Variants in PRSS23 observed in about 807,000 individuals in gnomAD.
PRSS23 encodes the protein serine protease 23.
PRSS23 carries 25 observed loss-of-function variants against 34.7 expected under a neutral mutation model. That is an observed-to-expected ratio of 0.72 (90% CI 0.53 to 1.01). PRSS23 has a LOEUF of 1.01. Ranked by LOEUF, PRSS23 falls within the 50% of genes least tolerant of loss-of-function variation. PRSS23 has a pLI of 0.00. For synonymous variants in PRSS23, 176 were observed against 186.6 expected, an observed-to-expected ratio of 0.94 and a Z score of 0.46; for missense variants, 445 against 475.6, an observed-to-expected ratio of 0.94 and a Z score of 0.60.
intron 2 of PRSS23, among the ~76,000 whole-genome samples, chr11:86,852,895 C>T (rs2134920817): frequency 6.6e-6 from 1 of 152,228 alleles, no homozygotes; most frequent in South Asian, 2.1e-4. Context: ...TCTCTGTCGC[C>T]CAGGCTGGAG....
intron 2 of PRSS23, among the ~76,000 whole-genome samples, chr11:86,830,359 G>A (rs1948343542): frequency 6.6e-6 from 1 of 152,162 alleles, no homozygotes; most frequent in African/African-American, 2.4e-5. Flanking sequence ...GCAGTATTAG[G>A]GTGGGAGTGA....
chr11:86,923,319 G>A (rs560418895), intron 2 of PRSS23, among the ~76,000 whole-genome samples: 2 of 152,098 alleles, frequency 1.3e-5, no homozygotes, highest in African/African-American at 4.8e-5. Flanking sequence ...TAGAGATGGG[G>A]TCTTGCCGTG....
chr11:86,807,740 C>A lies in PRSS23; in HGVS notation c.97C>A (p.Pro33Thr), dbSNP rs1337121292. 1.2e-6 allele frequency: 2 copies of A among 1,614,116 alleles called. No homozygotes were observed. Among genetic ancestry groups the A allele is most frequent in the East Asian group, 2.2e-5 (1 of 44,874 alleles). The change falls in exon 2 of 2, where the codon CCT becomes ACT. Residue 33 changes from proline to threonine, a missense_variant. Pro to Thr is a conservative substitution (Grantham distance 38). Coordinates refer to ENST00000280258, the MANE Select transcript of PRSS23 (RefSeq NM_007173.6). ...PYSAPWKPTW[P>T]AYRLPVVLPQ... is the part of the protein sequence containing the mutation. ...CAGTGCCCCCTGGAAACCCACTTGG[C>A]CTGCATACCGCCTCCCTGTCGTCTT...
intron 2 of PRSS23, among the ~76,000 whole-genome samples, chr11:86,838,473 T>G (rs1948423450): frequency 6.6e-6 from 1 of 152,072 alleles, no homozygotes; most frequent in South Asian, 2.1e-4. Flanking sequence ...GCCAGGAAGC[T>G]CAAACTGGCT....
chr11:86,843,653 A>G (rs977096915), intron 2 of PRSS23, among the ~76,000 whole-genome samples: 1 of 152,264 alleles, frequency 6.6e-6, no homozygotes, highest in African/African-American at 2.4e-5. Context: ...CAGCCAACAG[A>G]CATATGAAAA....
At chr11:86,922,998 C>T (rs570456381) in intron 2 of PRSS23, among the ~76,000 whole-genome samples, 12 of 151,984 alleles carry the variant, frequency 7.9e-5, no homozygotes, top group African/African-American at 2.7e-4. Flanking sequence ...ATTTAGTAGC[C>T]CTTTTTTGGG....
Position 86,881,468 on chromosome 11 carries a change from T to A in PRSS23, c.206+57875T>A, listed in dbSNP as rs546745553. Reference sequence around the variant, plus strand: ...ACTCCCACTTAGTCTTGGTGTATATTTTTTTTAAAATATATGGCTGAATTC... The same window carrying A: ...ACTCCCACTTAGTCTTGGTGTATATATTTTTTAAAATATATGGCTGAATTC... On this transcript the variant is annotated intron_variant, in intron 2 of 2. Transcript: ENST00000533902. 2.8e-4 allele frequency among the ~76,000 whole-genome samples: 42 copies of A among 152,112 alleles called. No homozygotes were observed. In the South Asian group the frequency reaches 4.4e-3, roughly 16 times the overall value.
upstream of PRSS23, among the ~76,000 whole-genome samples, chr11:86,798,837 C>T (rs1171948685): frequency 1.3e-5 from 2 of 152,100 alleles, no homozygotes; most frequent in Admixed American, 6.5e-5. Context: ...AGACCACAGG[C>T]GTGTGCCACC....
chr11:86,873,553 G>A (rs773724763), intron 2 of PRSS23, among the ~76,000 whole-genome samples: 14 of 151,950 alleles, frequency 9.2e-5, no homozygotes, highest in Admixed American at 5.2e-4. Context: ...AAAGTGTTGG[G>A]ATTGTAGGCA....
At chr11:86,865,044 A>G (rs1229492851) in intron 2 of PRSS23, among the ~76,000 whole-genome samples, 2 of 152,248 alleles carry the variant, frequency 1.3e-5, no homozygotes, top group East Asian at 3.8e-4. Context: ...CAGGTAAGGT[A>G]AAACATTCCC....
chr11:86,798,125 C>T (rs150505809), upstream of PRSS23, among the ~76,000 whole-genome samples: 1,168 of 152,338 alleles, frequency 7.7e-3, 15 homozygotes, highest in African/African-American at 0.026. Context: ...CTTCCAGCTG[C>T]ACCTCCAGTT....
chr11:86,882,891 C>T (rs556757783), intron 2 of PRSS23, among the ~76,000 whole-genome samples: 7 of 152,300 alleles, frequency 4.6e-5, no homozygotes, highest in Admixed American at 2.0e-4. Flanking sequence ...TAATAATAGA[C>T]ATTCTGACTG....
chr11:86,926,732 T>C (rs1009451465), intron 2 of PRSS23, among the ~76,000 whole-genome samples: 1 of 152,208 alleles, frequency 6.6e-6, no homozygotes, highest in Non-Finnish European at 1.5e-5. Flanking sequence ...GTTCATGAAT[T>C]TGGGGAAAGG....
chr11:86,948,280 G>A (rs978727605), intron 2 of PRSS23: 3 of 152,182 alleles, frequency 2.0e-5, no homozygotes, highest in South Asian at 2.1e-4. Context: ...TTTCCCAGAG[G>A]AACAGTAAAG....
At chr11:86,835,410 T>C (rs1408951091) in intron 2 of PRSS23, among the ~76,000 whole-genome samples, 1 of 152,228 alleles carries the variant, frequency 6.6e-6, no homozygotes, top group Non-Finnish European at 1.5e-5. Context: ...CTATTCCTGT[T>C]TTTTCTGTGA....
At chr11:86,839,711 G>T (rs61439582) in intron 2 of PRSS23, among the ~76,000 whole-genome samples, 2,383 of 151,886 alleles carry the variant, frequency 0.016, 73 homozygotes, top group African/African-American at 0.054. Flanking sequence ...GAAAGGTCAA[G>T]CTACCCAGAA....
chr11:86,931,790 A>C (rs1001885323), intron 2 of PRSS23, among the ~76,000 whole-genome samples: 1 of 152,008 alleles, frequency 6.6e-6, no homozygotes. Context: ...TACAGGCATG[A>C]GCCATCGTTC....
chr11:86,950,454 A>C (rs563155866), intron 2 of PRSS23: 19 of 152,882 alleles, frequency 1.2e-4, no homozygotes, highest in African/African-American at 4.6e-4. Context: ...GTTGAAATTT[A>C]AGAGAGGAAG....
intron 2 of PRSS23, among the ~76,000 whole-genome samples, chr11:86,917,488 A>G (rs1949021297): frequency 6.6e-6 from 1 of 152,266 alleles, no homozygotes. Context: ...CTTGTCCACA[A>G]AATAATATCT....
Sources: allele counts gnomAD v4.1 joint callset (sites outside exome capture counted in the v4.1 genomes callset), GRCh38; gene constraint gnomAD v4.1.1; transcripts MANE v1.5; gene names NCBI Gene and HGNC (gene_info 2026-07-23, HGNC 2026-07-21).